NLN: variants seen among roughly 807,000 people sequenced by gnomAD.
The protein encoded by NLN is neurolysin, mitochondrial.
Under a neutral mutation model 79.9 loss-of-function variants are expected in NLN, and 64 were observed. The ratio of observed to expected loss-of-function variants is 0.80; its 90% CI spans 0.65 to 0.99. The LOEUF is 0.99. Among genes scored for constraint, NLN ranks in the 50% least tolerant of loss-of-function variants. The pLI is 0.00. For missense variants in NLN, 835 were observed against 858.7 expected (o/e 0.97, Z 0.34); for synonymous variants, 267 against 296.6 (o/e 0.90, Z 1.02).
At position 65,754,639 on chromosome 5, in the gene NLN, C is replaced by T. The variant is rs73099395; in HGVS notation, c.42-3928C>T. The stretch of plus-strand genomic sequence containing the variant: ...TCTCTTCCTGACCTTTTCTAAAATC[C>T]ACTGAACCCTGACAAAAATGTTTCC... On this transcript the variant is annotated intron_variant, in intron 1 of 12. Transcript: ENST00000380985. Among the ~76,000 whole-genome samples the T allele has an allele frequency of 9.5e-3, 1,447 of 152,142 alleles. 28 individuals carry two copies. The highest frequency in any genetic ancestry group is 0.033 in the African/African-American group (1,388 of 41,506).
intron 3 of NLN, among the ~76,000 whole-genome samples, chr5:65,774,479 T>G (rs1309378611): frequency 6.6e-6 from 1 of 152,102 alleles, no homozygotes; most frequent in Non-Finnish European, 1.5e-5. Flanking sequence ...TGGGCAGTAA[T>G]TCTGACCTTG....
intron 1 of NLN, among the ~76,000 whole-genome samples, chr5:65,748,750 C>T (rs1026480185): frequency 1.3e-5 from 2 of 152,076 alleles, no homozygotes; most frequent in African/African-American, 4.8e-5. Context: ...GAGACCCTGT[C>T]CCAAAAAGAA....
intron 4 of NLN, among the ~76,000 whole-genome samples, chr5:65,778,695 G>A (rs1420851307): frequency 6.6e-6 from 1 of 152,178 alleles, no homozygotes; most frequent in Admixed American, 6.5e-5. Context: ...TGATCCTGAT[G>A]CACAGTGGAG....
At chr5:65,730,049 T>C (rs1758571471) in intron 1 of NLN, among the ~76,000 whole-genome samples, 1 of 152,256 alleles carries the variant, frequency 6.6e-6, no homozygotes, top group Non-Finnish European at 1.5e-5. Flanking sequence ...TTGGCTGATT[T>C]CTTCATTCAC....
chr5:65,767,896 C>G (rs889561187), intron 3 of NLN, among the ~76,000 whole-genome samples: 1 of 152,182 alleles, frequency 6.6e-6, no homozygotes, highest in Non-Finnish European at 1.5e-5. Flanking sequence ...GCAAAGTGCC[C>G]AGTATCTTTG....
At chr5:65,732,056 A>G (rs1053773276) in intron 1 of NLN, among the ~76,000 whole-genome samples, 14 of 151,726 alleles carry the variant, frequency 9.2e-5, no homozygotes, top group African/African-American at 2.9e-4. Context: ...CAGCATCTAC[A>G]TTTTCTTCTA....
At chr5:65,744,672 G>A (rs1579917218) in intron 1 of NLN, among the ~76,000 whole-genome samples, 2 of 152,266 alleles carry the variant, frequency 1.3e-5, no homozygotes, top group Middle Eastern at 3.4e-3. Context: ...GCCGAGGCGG[G>A]TGGATCACCT....
chr5:65,808,311 C>T (rs1228408469), intron 9 of NLN, among the ~76,000 whole-genome samples: 3 of 152,222 alleles, frequency 2.0e-5, no homozygotes, highest in Admixed American at 6.5e-5. Flanking sequence ...TGATTCGGCA[C>T]CCCATCTGCT....
In NLN at chr5:65,809,555, A is replaced by G. The variant is rs1203864430; in HGVS notation, c.1568A>G (p.Asp523Gly). 3 of 1,610,560 alleles carry G rather than the reference A, an allele frequency of 1.9e-6. No individual in the cohort carries two copies. The highest frequency in any genetic ancestry group is 3.4e-5 in the Admixed American group (2 of 58,878). Reference protein sequence around the residue: ...ARFSGTNVETDFVEVPSQMLE... With the variant: ...ARFSGTNVETGFVEVPSQMLE... ...TTTAGCGGAACAAATGTGGAAACTGACTTTGTAGAGGTGCCATCGCAAATG... is the reference window on the plus strand; with the variant it reads ...TTTAGCGGAACAAATGTGGAAACTGGCTTTGTAGAGGTGCCATCGCAAATG... The change falls in exon 10 of 13, where the codon GAC becomes GGC. Residue 523 changes from aspartate (D) to glycine (G), a missense_variant. Transcript: ENST00000380985.
chr5:65,777,185 G>A (rs1759698398), intron 3 of NLN, among the ~76,000 whole-genome samples: 2 of 152,234 alleles, frequency 1.3e-5, no homozygotes, highest in Non-Finnish European at 2.9e-5. Context: ...AGGCACTGCT[G>A]ATTTTGATTC....
chr5:65,785,770 A>G lies in NLN; in HGVS notation c.823-5A>G. The G allele has an allele frequency of 1.2e-6, 2 of 1,612,772 alleles. No individual in the cohort carries two copies. The highest frequency in any genetic ancestry group is 1.7e-6 in the Non-Finnish European group (2 of 1,178,948). Reference sequence around the variant, plus strand: ...CTTTATTTTGTTGCTGTTGTTTATTACTAGGAAAACACCATAATTTTGCAG... The same window carrying G: ...CTTTATTTTGTTGCTGTTGTTTATTGCTAGGAAAACACCATAATTTTGCAG... On this transcript the variant is annotated splice_polypyrimidine_tract_variant and splice_region_variant and intron_variant, in intron 6 of 12. Transcript: ENST00000380985.
At chr5:65,750,122 C>T (rs1477207495) in intron 1 of NLN, among the ~76,000 whole-genome samples, 2 of 152,280 alleles carry the variant, frequency 1.3e-5, no homozygotes, top group African/African-American at 2.4e-5. Context: ...GCTTGGCATA[C>T]ATGTGCTGTC....
At chr5:65,816,767 T>A (rs1381715074) in intron 12 of NLN, among the ~76,000 whole-genome samples, 1 of 152,202 alleles carries the variant, frequency 6.6e-6, no homozygotes, top group Non-Finnish European at 1.5e-5. Flanking sequence ...GAATACTTCA[T>A]TTGATCTGAA....
At chr5:65,783,262 T>A (rs1759839842) in intron 6 of NLN, among the ~76,000 whole-genome samples, 1 of 152,146 alleles carries the variant, frequency 6.6e-6, no homozygotes, top group African/African-American at 2.4e-5. Flanking sequence ...GCCGTTGAAT[T>A]TTACATGGCT....
At chr5:65,769,025 G>A (rs1457782220) in intron 3 of NLN, among the ~76,000 whole-genome samples, 2 of 152,250 alleles carry the variant, frequency 1.3e-5, no homozygotes, top group African/African-American at 4.8e-5. Context: ...TCCTTACAGT[G>A]TGGTGGTATC....
At chr5:65,758,099 G>T (rs554532479) in intron 1 of NLN, among the ~76,000 whole-genome samples, 3 of 152,024 alleles carry the variant, frequency 2.0e-5, no homozygotes, top group African/African-American at 7.2e-5. Flanking sequence ...GCTCGGCATG[G>T]TGGTATGTCC....
intron 10 of NLN, 120 bp downstream of exon 10, chr5:65,809,821 G>A: frequency 1.0e-6 from 1 of 978,490 alleles, no homozygotes; most frequent in South Asian, 1.7e-5. Context: ...GCTAGCATGA[G>A]GAGTGAAGAA....
At chr5:65,736,993 T>A (rs1758741448) in intron 1 of NLN, among the ~76,000 whole-genome samples, 1 of 152,098 alleles carries the variant, frequency 6.6e-6, no homozygotes, top group African/African-American at 2.4e-5. Context: ...TGGTCCCAGC[T>A]ACTCGGAAGG....
At chr5:65,728,936 C>T (rs556511144) in intron 1 of NLN, among the ~76,000 whole-genome samples, 181 of 152,138 alleles carry the variant, frequency 1.2e-3, no homozygotes, top group African/African-American at 3.7e-3. Flanking sequence ...CTCGACCTCC[C>T]GGGCTCAAAC....
Sources: allele counts gnomAD v4.1 joint callset (sites outside exome capture counted in the v4.1 genomes callset), GRCh38; gene constraint gnomAD v4.1.1; transcripts MANE v1.5; gene names NCBI Gene and HGNC (gene_info 2026-07-23, HGNC 2026-07-21).